Variants in ALPK1 observed in about 807,000 individuals in gnomAD.
ALPK1 encodes the protein alpha-protein kinase 1.
A neutral mutation model predicts 120.6 loss-of-function variants in ALPK1; 110 were observed. That is an observed-to-expected ratio of 0.91 (90% CI 0.78 to 1.07). ALPK1 has a LOEUF of 1.07. Among genes scored for constraint, ALPK1 ranks in the 50% least tolerant of loss-of-function variants. The pLI, the probability that ALPK1 is intolerant of heterozygous loss-of-function variation, is 0.00. For synonymous variants in ALPK1, 582 were observed against 560.3 expected (o/e 1.04, Z -0.55); for missense variants, 1,498 against 1,483.9 (o/e 1.01, Z -0.16).
chr4:112,400,515 G>A (rs2148741019), intron 4 of ALPK1, among the ~76,000 whole-genome samples: 1 of 152,298 alleles, frequency 6.6e-6, no homozygotes, highest in African/African-American at 2.4e-5. Context: ...GGGCAGTAAT[G>A]GGAGCCATCT....
rs1731739025 is a variant in ALPK1, at chr4:112,377,917, G to A, written c.121+19G>A. The A allele has an allele frequency of 6.9e-6, 11 of 1,588,452 alleles. No individual in the cohort carries two copies. Among genetic ancestry groups the A allele is most frequent in the Non-Finnish European group, 9.5e-6 (11 of 1,162,654 alleles). ...TGCAGAGGTGAGGTTCTGATGGGAGGCACCAGGGGTGAACCAGCAGGTTCA... is the reference window on the plus strand; with the variant it reads ...TGCAGAGGTGAGGTTCTGATGGGAGACACCAGGGGTGAACCAGCAGGTTCA... On this transcript the variant is annotated intron_variant, in intron 3 of 15. Transcript: ENST00000650871.
Position 112,356,613 on chromosome 4 carries a change from T to C in ALPK1, c.-100-21065T>C, listed in dbSNP as rs1414519448. The C allele has an allele frequency of 1.9e-5, 15 of 782,636 alleles. No individual in the cohort carries two copies. In the East Asian group the frequency reaches 3.2e-4, roughly 17 times the overall value. 48.5% of individuals were successfully genotyped at this position (782,636 alleles called of 1,614,324 possible). On this transcript the variant is annotated intron_variant, in intron 2 of 15. Coordinates refer to ENST00000650871, the MANE Select transcript of ALPK1 (RefSeq NM_025144.4). ...GGAGAGTAACCACATGAAGATCCAC[T>C]TGTGCCGCAAGAAGATGGCAAGTCG...
At chr4:112,398,417 A>G (rs910675633) in intron 4 of ALPK1, among the ~76,000 whole-genome samples, 11 of 152,078 alleles carry the variant, frequency 7.2e-5, no homozygotes, top group African/African-American at 2.4e-4. Flanking sequence ...CTCAACCTCC[A>G]GAATAGCTGA....
At chr4:112,430,242 T>C (rs998097965) in intron 10 of ALPK1, among the ~76,000 whole-genome samples, 9 of 152,220 alleles carry the variant, frequency 5.9e-5, no homozygotes, top group African/African-American at 2.2e-4. Context: ...CAGTCACTTA[T>C]ATCCCCATCC....
In ALPK1 at chr4:112,426,817, G is replaced by A. The variant is rs370382784; in HGVS notation, c.699+274G>A. 1.6e-3 allele frequency among the ~76,000 whole-genome samples: 238 copies of A among 152,178 alleles called. 11 individuals are homozygous for A. In the South Asian group the frequency reaches 0.045, roughly 29 times the overall value. On this transcript the variant is annotated intron_variant, in intron 8 of 15. Coordinates refer to ENST00000650871, the MANE Select transcript of ALPK1 (RefSeq NM_025144.4). ...TCTCTACTGGTCCATTCATTTATCT[G>A]TTTTGTTATATATTTACTCTTTACT...
chr4:112,367,060 G>A (rs1488180388), intron 2 of ALPK1, among the ~76,000 whole-genome samples: 8 of 152,216 alleles, frequency 5.3e-5, no homozygotes, highest in Admixed American at 2.6e-4. Flanking sequence ...AGGGTGGAAG[G>A]TGGGTGAGGA....
At chr4:112,412,052 C>G (rs1458487965) in intron 5 of ALPK1, 27 bp downstream of exon 5, 1 of 1,611,778 alleles carries the variant, frequency 6.2e-7, no homozygotes, top group Non-Finnish European at 8.5e-7. Flanking sequence ...TGGCCGCCCC[C>G]GCGTCCTCAG....
chr4:112,430,944 T>A lies in ALPK1; in HGVS notation c.1397T>A (p.Val466Glu). ...LDTYSQHHTSVCEVFESDCGN... is the reference protein window; with the variant it reads ...LDTYSQHHTSECEVFESDCGN... ...ACCTATTCACAGCACCATACTTCGGTGTGTGAAGTATTTGAAAGTGATTGT... is the reference window on the plus strand; with the variant it reads ...ACCTATTCACAGCACCATACTTCGGAGTGTGAAGTATTTGAAAGTGATTGT... The change falls in exon 11 of 16, where the codon GTG (valine) becomes GAG (glutamate). Residue 466 changes from valine (V) to glutamate (E), a missense_variant. Transcript: ENST00000650871. 6.2e-7 allele frequency: 1 copy of A among 1,613,998 alleles called. No homozygotes were observed. The highest frequency in any genetic ancestry group is 8.5e-7 in the Non-Finnish European group (1 of 1,179,910).
intron 1 of ALPK1, among the ~76,000 whole-genome samples, chr4:112,303,998 T>C (rs952039051): frequency 6.6e-6 from 1 of 151,678 alleles, no homozygotes; most frequent in African/African-American, 2.4e-5. Context: ...GAACATGGGG[T>C]GTTTGGTTTT....
At chr4:112,307,056 C>T (rs1193331822) in intron 1 of ALPK1, among the ~76,000 whole-genome samples, 1 of 152,014 alleles carries the variant, frequency 6.6e-6, no homozygotes, top group Non-Finnish European at 1.5e-5. Context: ...TGTAGTTGAG[C>T]GGTTTTGAGT....
intron 2 of ALPK1, among the ~76,000 whole-genome samples, chr4:112,325,609 T>C (rs1248287132): frequency 1.3e-5 from 2 of 152,162 alleles, no homozygotes; most frequent in African/African-American, 4.8e-5. Flanking sequence ...CCATAAAACT[T>C]ACGGGGCAAT....
chr4:112,412,175 GC>G (rs1343969209), intron 5 of ALPK1, 150 bp downstream of exon 5: 4 of 925,066 alleles, frequency 4.3e-6, no homozygotes, highest in Non-Finnish European at 5.0e-6. Context: ...CCGCCCCTGT[GC>G]CCTTCCACCC....
chr4:112,306,865 C>T (rs1427674852), intron 1 of ALPK1, among the ~76,000 whole-genome samples: 1 of 152,080 alleles, frequency 6.6e-6, no homozygotes, highest in Non-Finnish European at 1.5e-5. Context: ...TAAGATCTTT[C>T]CTGCTTCCTC....
At chr4:112,412,485 C>T in intron 5 of ALPK1, 1 of 456,732 alleles carries the variant, frequency 2.2e-6, no homozygotes, top group Non-Finnish European at 4.4e-6. Context: ...TTTTTTTCAT[C>T]ATTCAGAACA....
At chr4:112,382,324 T>C in intron 3 of ALPK1, 74 bp from the exon 4 acceptor site, 1 of 1,209,676 alleles carries the variant, frequency 8.3e-7, no homozygotes, top group Non-Finnish European at 1.2e-6. Flanking sequence ...ACTGAGGTGC[T>C]TCATCATAAC....
Position 112,382,420 on chromosome 4 carries a change from G to A in ALPK1, c.144G>A (p.Arg48=), listed in dbSNP as rs369534780. The stretch of plus-strand genomic sequence containing the variant: ...CAGCTTTACTCCCCAGCGAGTTAAG[G>A]ACCCTGATCCAGGAGGCAAAGGAAA... The part of the protein sequence containing the change: ...RCRALLPSEL[R]TLIQEAKEMK... The change falls in exon 4 of 16, where the codon AGG becomes AGA. Residue 48 remains arginine, a synonymous_variant. Transcript: ENST00000650871. 4.3e-6 allele frequency: 7 copies of A among 1,612,658 alleles called. No homozygotes were observed. In the African/African-American group the frequency reaches 8.1e-5, roughly 19 times the overall value.
chr4:112,427,555 G>A lies in ALPK1; in HGVS notation c.700-15G>A, dbSNP rs1054397730. The A allele has an allele frequency of 6.2e-7, 1 of 1,601,596 alleles. No homozygotes were observed. The highest frequency in any genetic ancestry group is 8.6e-7 in the Non-Finnish European group (1 of 1,168,798). ...TGAATTCCCGATCTGTGACTTCTTT[G>A]TGTTTTTCTTACAGGGCCTCTCCAC... On this transcript the variant is annotated splice_polypyrimidine_tract_variant and intron_variant, in intron 8 of 15. Transcript: ENST00000650871.
At chr4:112,426,581 T>G (rs1470739431) in intron 8 of ALPK1, 38 bp downstream of exon 8, 1 of 1,444,028 alleles carries the variant, frequency 6.9e-7, no homozygotes, top group African/African-American at 1.5e-5. Flanking sequence ...CTTTCCTGTA[T>G]TTGTCTTTGG....
At chr4:112,374,419 T>A (rs1731559806) in intron 2 of ALPK1, among the ~76,000 whole-genome samples, 1 of 152,198 alleles carries the variant, frequency 6.6e-6, no homozygotes, top group Non-Finnish European at 1.5e-5. Context: ...ACTGAAGTCT[T>A]GAACACCCCA....
Sources: gnomAD v4.1 joint callset for allele counts (sites outside exome capture counted in the v4.1 genomes callset) on GRCh38, gnomAD v4.1.1 for gene constraint, MANE v1.5 for transcripts, NCBI Gene and HGNC (gene_info 2026-07-23, HGNC 2026-07-21) for gene names.